The following CEP70 variants were observed in gnomAD, a reference collection of about 807,000 sequenced individuals.
CEP70 encodes the protein centrosomal protein 70.
In CEP70, 70 loss-of-function variants were observed where a neutral mutation model predicts 90.9. That is an observed-to-expected ratio of 0.77 (90% CI 0.64 to 0.94). The LOEUF (loss-of-function observed/expected upper bound fraction) is 0.94. Ranked by LOEUF, CEP70 falls within the 40% of genes least tolerant of loss-of-function variation. The pLI, the probability that CEP70 is intolerant of heterozygous loss-of-function variation, is 0.00. For synonymous variants in CEP70, 220 were observed against 228.3 expected, an observed-to-expected ratio of 0.96 and a Z score of 0.33; for missense variants, 648 against 669.0, an observed-to-expected ratio of 0.97 and a Z score of 0.35.
rs2041158629 is a variant in CEP70 at position 138,571,297 on chromosome 3, A to C, written c.129T>G (p.Pro43=). The change falls in exon 4 of 18, where the codon CCT becomes CCG. Residue 43 remains proline (P), a synonymous_variant. Transcript: ENST00000264982. ...NVLLMMHGLK[P]LSLVKRTDLK... ...GATCTGTTCTTTTGACTAGAGACAA[A>C]GGTTTTAAGCCATGCATCATCAATA... 6.2e-7 allele frequency: 1 copy of C among 1,610,692 alleles called. No individual in the cohort carries two copies. Among genetic ancestry groups the C allele is most frequent in the African/African-American group, 1.3e-5 (1 of 74,860 alleles).
intron 2 of CEP70, among the ~76,000 whole-genome samples, chr3:138,585,252 G>A (rs541445991): frequency 2.0e-5 from 3 of 152,042 alleles, no homozygotes; most frequent in South Asian, 4.2e-4. Flanking sequence ...AACCAACAAG[G>A]ACAATCTGAA....
At chr3:138,540,739 A>G (rs1409165067) in intron 6 of CEP70, among the ~76,000 whole-genome samples, 2 of 152,232 alleles carry the variant, frequency 1.3e-5, no homozygotes, top group African/African-American at 4.8e-5. Flanking sequence ...CAATCTCATT[A>G]TTGGGTATAT....
intron 6 of CEP70, among the ~76,000 whole-genome samples, chr3:138,551,069 A>G (rs1364255456): frequency 3.3e-5 from 5 of 152,318 alleles, no homozygotes; most frequent in African/African-American, 1.2e-4. Context: ...CATTGTCATC[A>G]GGTTATTTAA....
At chr3:138,577,221 G>T (rs1234913981) in intron 2 of CEP70, among the ~76,000 whole-genome samples, 5 of 152,164 alleles carry the variant, frequency 3.3e-5, no homozygotes, top group Admixed American at 6.5e-5. Context: ...GGGAGGGATA[G>T]CATTAGGAGA....
intron 6 of CEP70, among the ~76,000 whole-genome samples, chr3:138,556,101 G>T (rs1039450705): frequency 2.3e-4 from 35 of 152,332 alleles, no homozygotes; most frequent in African/African-American, 8.4e-4. Context: ...AAAAATGAAT[G>T]AATCAATGGC....
chr3:138,500,854 A>G lies in CEP70; in HGVS notation c.1249T>C (p.Ser417Pro). 2 of 1,589,312 alleles carry G rather than the reference A, an allele frequency of 1.3e-6. No homozygotes were observed. Among genetic ancestry groups the G allele is most frequent in the Non-Finnish European group, 1.7e-6 (2 of 1,166,844 alleles). ...TTAAGCCAAGGTACCAGTTCTGCAG[A>G]TAGTGTTTTCAAGGACTTATACAAA... ...KDLYKSLKTL[S>P]AELVPWLNLK... is the part of the protein sequence containing the mutation. The change falls in exon 14 of 18, where the codon TCT becomes CCT. Residue 417 changes from serine (S) to proline (P), a missense_variant. By Grantham distance (74) the Ser-to-Pro change is moderately conservative. Coordinates refer to ENST00000264982, the MANE Select transcript of CEP70 (RefSeq NM_024491.4).
Position 138,500,723 on chromosome 3 carries a change from T to C in CEP70, c.1368+12A>G. On this transcript the variant is annotated intron_variant, in intron 14 of 17. Transcript: ENST00000264982. ...AGAAACATTAGAAGGTGACCGTTCA[T>C]GTAGGTATTACCTTTTCCTTATTTT... 1.3e-6 allele frequency: 2 copies of C among 1,577,196 alleles called. No homozygotes were observed. The highest frequency in any genetic ancestry group is 1.7e-6 in the Non-Finnish European group (2 of 1,164,680).
At chr3:138,584,801 C>A (rs1363913212) in intron 2 of CEP70, among the ~76,000 whole-genome samples, 1 of 151,890 alleles carries the variant, frequency 6.6e-6, no homozygotes, top group Non-Finnish European at 1.5e-5. Context: ...GAACATACCT[C>A]CACATAATAA....
At chr3:138,504,971 G>A (rs2034847851) in intron 13 of CEP70, among the ~76,000 whole-genome samples, 1 of 152,180 alleles carries the variant, frequency 6.6e-6, no homozygotes, top group Middle Eastern at 3.4e-3. Flanking sequence ...GGCAGATGAA[G>A]GTAGAACAGG....
At chr3:138,534,030 C>T (rs1041986571) in intron 7 of CEP70, among the ~76,000 whole-genome samples, 1 of 152,154 alleles carries the variant, frequency 6.6e-6, no homozygotes, top group Non-Finnish European at 1.5e-5. Flanking sequence ...GTGATCCGCC[C>T]GCCTCGGCCT....
intron 2 of CEP70, among the ~76,000 whole-genome samples, chr3:138,588,390 C>T (rs996399209): frequency 2.0e-5 from 3 of 152,146 alleles, no homozygotes; most frequent in African/African-American, 7.2e-5. Flanking sequence ...AGGAAGTTAA[C>T]ATCAACAAGA....
chr3:138,577,386 T>G (rs550307829), intron 2 of CEP70, among the ~76,000 whole-genome samples: 1 of 152,122 alleles, frequency 6.6e-6, no homozygotes, highest in African/African-American at 2.4e-5. Flanking sequence ...CAATGGCTCA[T>G]GCCTCTAATC....
intron 11 of CEP70, among the ~76,000 whole-genome samples, chr3:138,509,551 C>T (rs565886622): frequency 6.6e-6 from 1 of 152,316 alleles, no homozygotes; most frequent in African/African-American, 2.4e-5. Flanking sequence ...AATCTTTCTT[C>T]TCCCTCCTCA....
intron 2 of CEP70, among the ~76,000 whole-genome samples, chr3:138,579,542 G>A (rs917719814): frequency 6.6e-6 from 1 of 151,706 alleles, no homozygotes. Context: ...AGTAGGATAG[G>A]GCACTGAGCA....
intron 11 of CEP70, among the ~76,000 whole-genome samples, chr3:138,517,938 G>T (rs1162781003): frequency 6.6e-6 from 1 of 152,208 alleles, no homozygotes; most frequent in African/African-American, 2.4e-5. Flanking sequence ...CCTAGTCAAA[G>T]AAAGGGGTGA....
chr3:138,569,443 A>T (rs1178139091), intron 6 of CEP70, among the ~76,000 whole-genome samples: 1 of 152,248 alleles, frequency 6.6e-6, no homozygotes, highest in African/African-American at 2.4e-5. Flanking sequence ...ATTAGTTACC[A>T]GCATAAGATT....
chr3:138,575,183 A>G (rs1223497031), intron 2 of CEP70, among the ~76,000 whole-genome samples: 1 of 152,192 alleles, frequency 6.6e-6, no homozygotes, highest in Non-Finnish European at 1.5e-5. Flanking sequence ...CAAACCCATC[A>G]CAAGGAAGCT....
Position 138,500,405 on chromosome 3 carries a change from C to T in CEP70, c.1531G>A (p.Glu511Lys). 2 of 1,583,462 alleles carry T rather than the reference C, an allele frequency of 1.3e-6. No homozygotes were observed. The highest frequency in any genetic ancestry group is 1.7e-6 in the Non-Finnish European group (2 of 1,171,252). ...NAVRNLQELLELDSSSSLCVL... is the reference protein window; with the variant it reads ...NAVRNLQELLKLDSSSSLCVL... ...TGACAAATTAGGTCATCACCTAATTCTAAGAGTTCTTGGAGGTTTCTCACA... is the reference window on the plus strand; with the variant it reads ...TGACAAATTAGGTCATCACCTAATTTTAAGAGTTCTTGGAGGTTTCTCACA... Residue 511 changes from glutamate (E) to lysine (K), a missense_variant, in exon 15 of 18, where the codon GAA becomes AAA. Physicochemically the swap from Glu to Lys is moderately conservative, Grantham distance 56. Transcript: ENST00000264982.
At chr3:138,587,905 A>G (rs1277162586) in intron 2 of CEP70, among the ~76,000 whole-genome samples, 3 of 152,252 alleles carry the variant, frequency 2.0e-5, no homozygotes, top group Admixed American at 6.5e-5. Flanking sequence ...AAACAGATTA[A>G]TGAAACTAAA....
Sources: allele counts gnomAD v4.1 joint callset (sites outside exome capture counted in the v4.1 genomes callset), GRCh38; gene constraint gnomAD v4.1.1; transcripts MANE v1.5; gene names NCBI Gene and HGNC (gene_info 2026-07-23, HGNC 2026-07-21).